Variants in MLLT3 observed in about 807,000 individuals in gnomAD.
MLLT3 encodes protein AF-9.
Under a neutral mutation model 53.2 loss-of-function variants are expected in MLLT3, and 4 were observed. The observed-to-expected ratio is 0.08, with a 90% CI of 0.04 to 0.17. The LOEUF (loss-of-function observed/expected upper bound fraction) is 0.17, where lower values mean the gene tolerates loss of function less well. MLLT3 is among the 10% of genes least tolerant of loss of function. The pLI, the probability that MLLT3 is intolerant of heterozygous loss-of-function variation, is 1.00. For synonymous variants in MLLT3, 283 were observed against 230.6 expected (o/e 1.23, Z -2.06); for missense variants, 569 against 684.0 (o/e 0.83, Z 1.87).
At chr9:20,530,786 G>A (rs1462107700) in intron 2 of MLLT3, among the ~76,000 whole-genome samples, 1 of 151,742 alleles carries the variant, frequency 6.6e-6, no homozygotes, top group Non-Finnish European at 1.5e-5. Context: ...CATGCACCAC[G>A]ACATGGATAA....
At chr9:20,439,116 A>G (rs1406037687) in intron 4 of MLLT3, among the ~76,000 whole-genome samples, 5 of 152,036 alleles carry the variant, frequency 3.3e-5, no homozygotes, top group Admixed American at 3.3e-4. Flanking sequence ...GCACTTTCGG[A>G]GCTGAGGTGG....
intron 2 of MLLT3, among the ~76,000 whole-genome samples, chr9:20,463,903 C>A (rs576526851): frequency 6.6e-6 from 1 of 152,212 alleles, no homozygotes; most frequent in East Asian, 1.9e-4. Flanking sequence ...TAACTAAGAA[C>A]TGTTCCCATA....
At chr9:20,413,280 T>C (rs1325900538) in intron 5 of MLLT3, among the ~76,000 whole-genome samples, 2 of 152,296 alleles carry the variant, frequency 1.3e-5, no homozygotes, top group East Asian at 3.9e-4. Context: ...AACATAAACA[T>C]GTTACTTCAT....
At chr9:20,356,042 G>T (rs1404494621) in intron 8 of MLLT3, among the ~76,000 whole-genome samples, 1 of 152,140 alleles carries the variant, frequency 6.6e-6, no homozygotes, top group African/African-American at 2.4e-5. Context: ...AGGATGAAAT[G>T]GGAGAGATGA....
intron 8 of MLLT3, among the ~76,000 whole-genome samples, chr9:20,357,976 CCTG>C (rs1011187355): frequency 3.5e-5 from 5 of 141,610 alleles, no homozygotes; most frequent in African/African-American, 1.4e-4. Context: ...CTCCCTCCCT[CCTG>C]CGCACACACA....
At chr9:20,393,689 G>A (rs1251170976) in intron 5 of MLLT3, among the ~76,000 whole-genome samples, 1 of 152,124 alleles carries the variant, frequency 6.6e-6, no homozygotes, top group African/African-American at 2.4e-5. Flanking sequence ...TTTATTGCGT[G>A]ATAAAAGTAA....
intron 4 of MLLT3, among the ~76,000 whole-genome samples, chr9:20,429,037 A>G (rs1463631469): frequency 1.3e-5 from 2 of 152,170 alleles, no homozygotes; most frequent in African/African-American, 4.8e-5. Context: ...CTAGGAAAAG[A>G]TAATTTTAAC....
chr9:20,512,799 G>T (rs116895687), intron 2 of MLLT3, among the ~76,000 whole-genome samples: 29 of 152,318 alleles, frequency 1.9e-4, no homozygotes, highest in African/African-American at 7.0e-4. Context: ...ACAAAGCACA[G>T]TACATGACTA....
At chr9:20,394,512 T>C (rs1822269335) in intron 5 of MLLT3, among the ~76,000 whole-genome samples, 1 of 152,040 alleles carries the variant, frequency 6.6e-6, no homozygotes, top group African/African-American at 2.4e-5. Flanking sequence ...GGTGATAAGG[T>C]AACTTAACTC....
intron 5 of MLLT3, among the ~76,000 whole-genome samples, chr9:20,403,992 G>C (rs1034440568): frequency 2.6e-5 from 4 of 152,028 alleles, no homozygotes; most frequent in South Asian, 4.2e-4. Flanking sequence ...GCTAATTTTT[G>C]TATTTTTTTG....
intron 2 of MLLT3, among the ~76,000 whole-genome samples, chr9:20,531,973 CA>C (rs1293131346): frequency 2.0e-5 from 3 of 151,826 alleles, no homozygotes; most frequent in Admixed American, 6.6e-5. Flanking sequence ...CAAATATTTA[CA>C]AAACATTCAC....
chr9:20,497,295 T>C (rs975278919), intron 2 of MLLT3, among the ~76,000 whole-genome samples: 6 of 152,190 alleles, frequency 3.9e-5, no homozygotes, highest in East Asian at 1.9e-4. Context: ...TTAACCACAA[T>C]TGACATTAAA....
chr9:20,584,217 C>G (rs769574271), intron 2 of MLLT3, among the ~76,000 whole-genome samples: 3 of 152,152 alleles, frequency 2.0e-5, no homozygotes, highest in Non-Finnish European at 4.4e-5. Flanking sequence ...CCAACAAGTT[C>G]CTCATCTCCA....
chr9:20,620,837 G>A lies in MLLT3; in HGVS notation c.13-3C>T, dbSNP rs1484562691. 4 of 1,614,046 alleles carry A rather than the reference G, an allele frequency of 2.5e-6. No individual in the cohort carries two copies. The highest frequency in any genetic ancestry group is 1.1e-5 in the South Asian group (1 of 91,086). ...TCCAGCTTCACCTGCACGGCACACT[G>A]CGGGCAGGGGGAGGAGAGACAGCCG... On this transcript the variant is annotated splice_region_variant and splice_polypyrimidine_tract_variant and intron_variant, in intron 1 of 10. Transcript: ENST00000380338. The surrounding 1 kb of genome is among the most constrained non-coding windows in gnomAD (Gnocchi z 6.1).
intron 2 of MLLT3, among the ~76,000 whole-genome samples, chr9:20,488,020 G>T (rs2118916869): frequency 6.6e-6 from 1 of 151,986 alleles, no homozygotes; most frequent in East Asian, 1.9e-4. Context: ...ACACAAGGCA[G>T]GTAAGGTTAC....
intron 2 of MLLT3, among the ~76,000 whole-genome samples, chr9:20,469,408 C>A (rs1395908297): frequency 6.6e-6 from 1 of 152,116 alleles, no homozygotes; most frequent in Non-Finnish European, 1.5e-5. Flanking sequence ...ACTTGTAACA[C>A]CCTTGTTCTT....
At chr9:20,479,712 A>C (rs1196767871) in intron 2 of MLLT3, among the ~76,000 whole-genome samples, 1 of 152,222 alleles carries the variant, frequency 6.6e-6, no homozygotes, top group Non-Finnish European at 1.5e-5. Flanking sequence ...GATGCTGTGA[A>C]TAATACTTGT....
chr9:20,360,397 A>G (rs1821285266), intron 8 of MLLT3, among the ~76,000 whole-genome samples: 1 of 152,226 alleles, frequency 6.6e-6, no homozygotes, highest in Non-Finnish European at 1.5e-5. Flanking sequence ...GCTCTATACT[A>G]GGCCCAAAGG....
At chr9:20,447,861 T>A (rs886851974) in intron 4 of MLLT3, among the ~76,000 whole-genome samples, 15 of 152,296 alleles carry the variant, frequency 9.8e-5, no homozygotes, top group African/African-American at 3.4e-4. Flanking sequence ...TGGGGTTTTG[T>A]CATAATTAAA....
Sources: gnomAD v4.1 joint callset for allele counts (sites outside exome capture counted in the v4.1 genomes callset) on GRCh38, gnomAD v4.1.1 for gene constraint, Gnocchi (gnomAD v3.1) non-coding constraint, MANE v1.5 for transcripts, NCBI Gene and HGNC (gene_info 2026-07-23, HGNC 2026-07-21) for gene names.